MGLL: variants seen among roughly 807,000 people sequenced by gnomAD.
MGLL encodes the protein monoglyceride lipase.
In MGLL, 7 loss-of-function variants were observed where a neutral mutation model predicts 29.1. That is an observed-to-expected ratio of 0.24 (90% CI 0.14 to 0.45). MGLL has a LOEUF of 0.45. Among genes scored for constraint, MGLL ranks in the 20% least tolerant of loss-of-function variants. MGLL has a pLI of 0.99. For synonymous variants in MGLL, 148 were observed against 168.3 expected (o/e 0.88, Z 0.93); for missense variants, 356 against 413.6 (o/e 0.86, Z 1.21).
intron 3 of MGLL, among the ~76,000 whole-genome samples, chr3:127,726,172 G>GAA (rs1173108939): frequency 8.1e-5 from 3 of 37,156 alleles, no homozygotes; most frequent in Non-Finnish European, 1.8e-4. Flanking sequence ...AAGAAAGAAA[G>GAA]AAAGAAAGAA....
At chr3:127,752,008 G>C (rs2107670680) in intron 3 of MGLL, among the ~76,000 whole-genome samples, 1 of 152,096 alleles carries the variant, frequency 6.6e-6, no homozygotes, top group East Asian at 1.9e-4. Context: ...CATGTACGCA[G>C]TCTCACTATT....
In MGLL at chr3:127,734,117, C is replaced by G. The variant is rs1045863944; in HGVS notation, c.263-11551G>C. Among the ~76,000 whole-genome samples, 5 of 152,352 alleles carry G rather than the reference C, an allele frequency of 3.3e-5. No individual in the cohort carries two copies. The South Asian group carries it at 8.3e-4, about 25-fold the overall frequency. ...AGGAGTCTAATTCTGGAGCCCACCC[C>G]CTTAACCCTGTGGGATCCATGGCTG... On this transcript the variant is annotated intron_variant, in intron 3 of 7. Coordinates refer to ENST00000265052, the MANE Select transcript of MGLL (RefSeq NM_007283.7).
At chr3:127,702,132 A>C (rs1460275423) in intron 6 of MGLL, among the ~76,000 whole-genome samples, 1 of 152,218 alleles carries the variant, frequency 6.6e-6, no homozygotes, top group Non-Finnish European at 1.5e-5. Flanking sequence ...GTCCAGACTC[A>C]GGTCCTTTTG....
intron 2 of MGLL, among the ~76,000 whole-genome samples, chr3:127,796,125 T>C (rs1323496310): frequency 1.3e-5 from 2 of 152,166 alleles, no homozygotes; most frequent in Non-Finnish European, 2.9e-5. Flanking sequence ...GCCCAGAAGT[T>C]GGGAGGTATC....
intron 2 of MGLL, among the ~76,000 whole-genome samples, chr3:127,790,116 C>T (rs1410806721): frequency 6.6e-6 from 1 of 152,190 alleles, no homozygotes; most frequent in East Asian, 1.9e-4. Flanking sequence ...GGACTTGAAT[C>T]CTGGATCTGC....
At chr3:127,770,709 A>C (rs943267442) in intron 3 of MGLL, among the ~76,000 whole-genome samples, 1 of 152,246 alleles carries the variant, frequency 6.6e-6, no homozygotes, top group Admixed American at 6.5e-5. Context: ...TGTACGGAGC[A>C]AAACCAGGCC....
intron 7 of MGLL, 113 bp downstream of exon 7, chr3:127,694,862 T>C (rs2075325402): frequency 1.0e-6 from 1 of 1,002,318 alleles, no homozygotes; most frequent in Non-Finnish European, 1.6e-6. Flanking sequence ...CTGGTCCCTA[T>C]CCTGAGACCT....
At chr3:127,706,421 A>G (rs964903433) in intron 6 of MGLL, among the ~76,000 whole-genome samples, 1 of 152,182 alleles carries the variant, frequency 6.6e-6, no homozygotes, top group Admixed American at 6.5e-5. Flanking sequence ...CTGCCATTAA[A>G]GCATCATACT....
intron 6 of MGLL, among the ~76,000 whole-genome samples, chr3:127,695,561 T>C (rs1165027411): frequency 6.6e-6 from 1 of 152,124 alleles, no homozygotes; most frequent in East Asian, 1.9e-4. Flanking sequence ...CACGTCTGTA[T>C]GGGATTTTTT....
At chr3:127,752,834 C>T (rs143045653) in intron 3 of MGLL, among the ~76,000 whole-genome samples, 106 of 152,320 alleles carry the variant, frequency 7.0e-4, no homozygotes, top group African/African-American at 2.5e-3. Flanking sequence ...CTTCCCCGAG[C>T]CTGAAATGCA....
chr3:127,699,156 A>G (rs1446153728), intron 6 of MGLL, among the ~76,000 whole-genome samples: 1 of 152,266 alleles, frequency 6.6e-6, no homozygotes, highest in Non-Finnish European at 1.5e-5. Flanking sequence ...AAGTTTCACA[A>G]GCTGGCCTCC....
At position 127,739,958 on chromosome 3, in the gene MGLL, G is replaced by T. The variant is rs560183431; in HGVS notation, c.263-17392C>A. Among the ~76,000 whole-genome samples, 3 of 152,292 alleles carry T rather than the reference G, an allele frequency of 2.0e-5. No individual in the cohort carries two copies. The South Asian group carries it at 6.2e-4, about 32-fold the overall frequency. On this transcript the variant is annotated intron_variant, in intron 3 of 7. Transcript: ENST00000265052. ...AAATGCAGGTGTGGGCCTGGGGCCA[G>T]ACACACACACAGCGAGTCCCCTTGC...
intron 7 of MGLL, among the ~76,000 whole-genome samples, chr3:127,693,890 G>C (rs1034136627): frequency 6.6e-6 from 1 of 152,160 alleles, no homozygotes; most frequent in Non-Finnish European, 1.5e-5. Context: ...GACTCCTTTC[G>C]CAGGGACTTG....
chr3:127,724,647 T>C (rs954283697), intron 3 of MGLL, among the ~76,000 whole-genome samples: 10 of 152,194 alleles, frequency 6.6e-5, no homozygotes, highest in African/African-American at 2.4e-4. Context: ...CGCATTTCCA[T>C]GTGGAACATC....
chr3:127,796,161 T>C (rs149632664), intron 2 of MGLL, among the ~76,000 whole-genome samples: 2,469 of 152,260 alleles, frequency 0.016, 44 homozygotes, highest in Non-Finnish European at 0.019. Flanking sequence ...TACAAACACA[T>C]GGCATTTGGG....
chr3:127,750,729 T>G (rs2076542910), intron 3 of MGLL, among the ~76,000 whole-genome samples: 1 of 152,022 alleles, frequency 6.6e-6, no homozygotes, highest in African/African-American at 2.4e-5. Context: ...GTCCTTTGGG[T>G]TTTCCAAGAT....
chr3:127,733,950 C>T (rs575499832), intron 3 of MGLL, among the ~76,000 whole-genome samples: 1 of 152,362 alleles, frequency 6.6e-6, no homozygotes, highest in African/African-American at 2.4e-5. Context: ...AGCCGAGCCC[C>T]TCCAGCCTGC....
intron 3 of MGLL, among the ~76,000 whole-genome samples, chr3:127,777,325 G>A (rs2077052873): frequency 6.6e-6 from 1 of 152,220 alleles, no homozygotes; most frequent in Non-Finnish European, 1.5e-5. Flanking sequence ...AAACCTGGGA[G>A]TGTGGCATGG....
intron 2 of MGLL, among the ~76,000 whole-genome samples, chr3:127,811,281 G>A (rs2077657490): frequency 6.6e-6 from 1 of 152,198 alleles, no homozygotes; most frequent in South Asian, 2.1e-4. Context: ...CTCTACAAGA[G>A]GCATGTGTTG....
Sources: gnomAD v4.1 joint callset for allele counts (sites outside exome capture counted in the v4.1 genomes callset) on GRCh38, gnomAD v4.1.1 for gene constraint, MANE v1.5 for transcripts, NCBI Gene and HGNC (gene_info 2026-07-23, HGNC 2026-07-21) for gene names.